The following ZNF34 variants were observed in gnomAD, a reference collection of about 807,000 sequenced individuals.
The protein encoded by ZNF34 is zinc finger protein 34.
ZNF34 carries 8 observed loss-of-function variants against 14.4 expected under a neutral mutation model. That is an observed-to-expected ratio of 0.55 (90% CI 0.33 to 1.00). The LOEUF (loss-of-function observed/expected upper bound fraction) is 1.00, where lower values mean the gene tolerates loss of function less well. ZNF34 is among the 50% of genes least tolerant of loss of function. The pLI is 0.03. For missense variants in ZNF34, 538 were observed against 674.2 expected, an observed-to-expected ratio of 0.80 and a Z score of 2.24; for synonymous variants, 235 against 247.9, an observed-to-expected ratio of 0.95 and a Z score of 0.49.
At position 144,777,509 on chromosome 8, in the gene ZNF34, G is replaced by A; in HGVS notation, c.229C>T (p.Leu77=). 1 of 1,554,084 alleles carries A rather than the reference G, an allele frequency of 6.4e-7. No homozygotes were observed. The highest frequency in any genetic ancestry group is 1.2e-5 in the South Asian group (1 of 84,174). The change falls in exon 5 of 6, where the codon CTG becomes TTG. Residue 77 remains leucine (L), a synonymous_variant. Coordinates refer to ENST00000429371, the MANE Select transcript of ZNF34 (RefSeq NM_001286769.2). The surrounding 1 kb of genome is among the most constrained non-coding windows in gnomAD (Gnocchi z 4.8). ...QLERGDEPWV[L]DVQGTSGKEH... is the part of the protein sequence containing the mutation. ...TTCCCAGAGGTGCCCTGAACATCCAGGACCCAGGGCTCATCCCCTCGCTCC... is the reference window on the plus strand; with the variant it reads ...TTCCCAGAGGTGCCCTGAACATCCAAGACCCAGGGCTCATCCCCTCGCTCC...
intron 1 of ZNF34, chr8:144,785,230 G>C (rs1323719108): frequency 6.6e-5 from 10 of 151,562 alleles, no homozygotes; most frequent in Non-Finnish European, 7.4e-5. Flanking sequence ...TAAATATACA[G>C]AATATATTTA....
In ZNF34 at chr8:144,773,311, CAT is replaced by C. The variant is rs1825275950; in HGVS notation, c.1573_1574del (p.Met525ValfsTer27). 1 of 1,613,332 alleles carries C rather than the reference CAT, an allele frequency of 6.2e-7. No individual in the cohort carries two copies. The highest frequency in any genetic ancestry group is 1.1e-5 in the South Asian group (1 of 91,052). On this transcript the variant is annotated frameshift_variant, in exon 6 of 6. Coordinates refer to ENST00000429371, the MANE Select transcript of ZNF34 (RefSeq NM_001286769.2). LOFTEE classifies it low-confidence loss of function (END_TRUNC). This position sits in a 1 kb window ranked among gnomAD's most constrained non-coding sequence, Gnocchi z 5.4. The stretch of plus-strand genomic sequence containing the variant: ...GGAGGTGAATCCGCTGATGCTGACA[CAT>C]GTTGGAACTGTGCCGGAAGGCCTTC... ...CGKAFRHSSN[M>X]CQHQRIHLRE... is the part of the protein sequence containing the mutation.
rs530216459 is a variant in ZNF34, at chr8:144,779,355, C to T, written c.-54-830G>A. Reference sequence around the variant, plus strand: ...GCTTGATGCACCGCTACCTTTCTATCCCCATGTCCTCATGTCCTCACCTGT... The same window carrying T: ...GCTTGATGCACCGCTACCTTTCTATTCCCATGTCCTCATGTCCTCACCTGT... On this transcript the variant is annotated intron_variant, in intron 2 of 5. Coordinates refer to ENST00000429371, the MANE Select transcript of ZNF34 (RefSeq NM_001286769.2). This position sits in a 1 kb window ranked among gnomAD's most constrained non-coding sequence, Gnocchi z 4.1. 1.1e-4 allele frequency among the ~76,000 whole-genome samples: 17 copies of T among 152,298 alleles called. No homozygotes were observed. In the East Asian group the frequency reaches 2.9e-3, roughly 26 times the overall value.
In ZNF34 at chr8:144,774,278, GTATT is replaced by G. The variant is rs1442794327; in HGVS notation, c.604_607del (p.Asn202GlnfsTer13). 2.5e-6 allele frequency: 4 copies of G among 1,613,602 alleles called. No homozygotes were observed. Among genetic ancestry groups the G allele is most frequent in the Non-Finnish European group, 3.4e-6 (4 of 1,179,736 alleles). ...GAAGATTTCCCCAGAGTTACGAACTGTATTTGTTTTTTTTGACCTGTGTACACGC... is the reference window on the plus strand; with the variant it reads ...GAAGATTTCCCCAGAGTTACGAACTGTGTTTTTTTTGACCTGTGTACACGC... On this transcript the variant is annotated frameshift_variant, in exon 6 of 6. Transcript: ENST00000429371. LOFTEE classifies it low-confidence loss of function (END_TRUNC).
intron 1 of ZNF34, among the ~76,000 whole-genome samples, chr8:144,782,490 CAAAAACA>C (rs781098512): frequency 3.1e-4 from 47 of 150,584 alleles, no homozygotes; most frequent in Admixed American, 5.3e-4. Flanking sequence ...AGACTCTGTC[CAAAAACA>C]AAAAACAAAA....
chr8:144,786,130 G>A (rs1440288896), intron 1 of ZNF34, among the ~76,000 whole-genome samples: 1 of 151,446 alleles, frequency 6.6e-6, no homozygotes, highest in Non-Finnish European at 1.5e-5. Flanking sequence ...GACTACAGGC[G>A]CCCGCTACCA....
At position 144,777,270 on chromosome 8, in the gene ZNF34, A is replaced by G. The variant is rs1391311872; in HGVS notation, c.280+188T>C. Among the ~76,000 whole-genome samples the G allele has an allele frequency of 1.3e-5, 2 of 152,082 alleles. No homozygotes were observed. The highest frequency in any genetic ancestry group is 2.9e-5 in the Non-Finnish European group (2 of 68,010). On this transcript the variant is annotated intron_variant, in intron 5 of 5. Transcript: ENST00000429371. This position sits in a 1 kb window ranked among gnomAD's most constrained non-coding sequence, Gnocchi z 4.8. ...TGCTGCCCTGGAGAGATTCTGCTCA[A>G]TAATCTCCCCACCAAGGTGCCCAGA...
In ZNF34 at chr8:144,773,140, T is replaced by G; in HGVS notation, c.*126A>C. 2 of 1,052,060 alleles carry G rather than the reference T, an allele frequency of 1.9e-6. No individual in the cohort carries two copies. The highest frequency in any genetic ancestry group is 4.2e-5 in the South Asian group (2 of 47,570). 65.2% of individuals were successfully genotyped at this position (1,052,060 alleles called of 1,614,324 possible). On this transcript the variant is annotated 3_prime_UTR_variant, in exon 6 of 6. Coordinates refer to ENST00000429371, the MANE Select transcript of ZNF34 (RefSeq NM_001286769.2). The surrounding 1 kb of genome is among the most constrained non-coding windows in gnomAD (Gnocchi z 5.4). Reference sequence around the variant, plus strand: ...TTTGATTTAAGAAAAGAGGTTTGTTTAATGAGAAACGTCCTTTCACTCTGT... The same window carrying G: ...TTTGATTTAAGAAAAGAGGTTTGTTGAATGAGAAACGTCCTTTCACTCTGT...
chr8:144,786,992 G>A (rs551536686), intron 1 of ZNF34, among the ~76,000 whole-genome samples: 1 of 152,288 alleles, frequency 6.6e-6, no homozygotes, highest in East Asian at 1.9e-4. Flanking sequence ...CGCTCTGTGC[G>A]GCAGGAGTCC....
intron 1 of ZNF34, among the ~76,000 whole-genome samples, chr8:144,781,134 C>CAAATAAATAAATAAATAAATAAAT (rs143853733): frequency 2.9e-5 from 4 of 140,312 alleles, no homozygotes; most frequent in African/African-American, 2.6e-5. Context: ...GACTCCATCT[C>CAAATAAATAAATAAATAAATAAAT]AAATAAATAA....
chr8:144,782,020 T>C (rs1465766488), intron 1 of ZNF34, among the ~76,000 whole-genome samples: 4 of 149,852 alleles, frequency 2.7e-5, no homozygotes, highest in Non-Finnish European at 5.9e-5. Flanking sequence ...ACCCCATCTC[T>C]CCTAAAAAAT....
chr8:144,786,043 G>A (rs528365186), intron 1 of ZNF34, among the ~76,000 whole-genome samples: 1 of 143,144 alleles, frequency 7.0e-6, no homozygotes, highest in South Asian at 2.2e-4. Flanking sequence ...GGAGAGCAGT[G>A]GCGGGATCTT....
In ZNF34 at chr8:144,773,999, G is replaced by A. The variant is rs980005799; in HGVS notation, c.887C>T (p.Thr296Ile). The A allele has an allele frequency of 6.2e-6, 10 of 1,613,936 alleles. No individual in the cohort carries two copies. Among genetic ancestry groups the A allele is most frequent in the East Asian group, 2.2e-5 (1 of 44,834 alleles). ...YRCDECGKTF[T>I]RRPNLMKHQR... ...GTGCTTCATGAGGTTGGGCCTCCGG[G>A]TGAATGTCTTCCCACACTCGTCACA... The change falls in exon 6 of 6, where the codon ACC (threonine) becomes ATC (isoleucine). Residue 296 changes from threonine to isoleucine, a missense_variant. Coordinates refer to ENST00000429371, the MANE Select transcript of ZNF34 (RefSeq NM_001286769.2). The surrounding 1 kb of genome is among the most constrained non-coding windows in gnomAD (Gnocchi z 5.4).
In ZNF34 at chr8:144,778,277, C is replaced by T. The variant is rs564929058; in HGVS notation, c.34-113G>A. ...CAGCACAGTGGGTGGCCTGACCCAT[C>T]TGCCACCGAGCCAGCTAATACATCC... is the stretch of plus-strand genomic sequence containing the variant. On this transcript the variant is annotated intron_variant, in intron 3 of 5. Transcript: ENST00000429371. 4 of 1,471,170 alleles carry T rather than the reference C, an allele frequency of 2.7e-6. No individual in the cohort carries two copies. The East Asian group carries it at 9.3e-5, about 34-fold the overall frequency. The allele number at this position is 1,471,170 out of a possible 1,614,324, so 91.1% of individuals were successfully genotyped here.
chr8:144,774,801 A>G (rs1375228484), intron 5 of ZNF34, among the ~76,000 whole-genome samples, 196 bp from the exon 6 acceptor site: 4 of 151,258 alleles, frequency 2.6e-5, no homozygotes, highest in Non-Finnish European at 5.9e-5. Context: ...TCAAACATTC[A>G]CTCCTTCCTT....
chr8:144,773,073 C>T lies in ZNF34; in HGVS notation c.*193G>A. The T allele has an allele frequency of 1.7e-6, 1 of 598,326 alleles. No homozygotes were observed. Among genetic ancestry groups the T allele is most frequent in the Non-Finnish European group, 2.6e-6 (1 of 379,338 alleles). 37.1% of individuals were successfully genotyped at this position (598,326 alleles called of 1,614,324 possible). On this transcript the variant is annotated 3_prime_UTR_variant, in exon 6 of 6. Transcript: ENST00000429371. This position sits in a 1 kb window ranked among gnomAD's most constrained non-coding sequence, Gnocchi z 5.4. The stretch of plus-strand genomic sequence containing the variant: ...AGATCACAGAAGCTTCTTTTTTGCC[C>T]ACTTTTCTGTCTCAATTTCTCTAAA...
rs191294712 is a variant in ZNF34, at chr8:144,778,523, G to A, written c.-52C>T. On this transcript the variant is annotated splice_region_variant and 5_prime_UTR_variant, in exon 3 of 6. Transcript: ENST00000429371. Reference sequence around the variant, plus strand: ...CAGTGAGCAGGAGCTGGTCACTGAGGAGCTGAGGGAAGAGAACGCAACAAG... The same window carrying A: ...CAGTGAGCAGGAGCTGGTCACTGAGAAGCTGAGGGAAGAGAACGCAACAAG... The A allele has an allele frequency of 1.3e-3, 2,104 of 1,569,954 alleles. 62 individuals carry two copies. In the Admixed American group the frequency reaches 0.038, roughly 28 times the overall value.
rs752466988 is a variant in ZNF34, at chr8:144,778,088, C to G, written c.110G>C (p.Gly37Ala). Residue 37 changes from glycine to alanine, a missense_variant, in exon 4 of 6, where the codon GGC becomes GCC. This residue lies in a region of ZNF34 where 431 missense variants were observed against 525.7 expected (regional missense o/e 0.82). Transcript: ENST00000429371. ...CTCCAGCATCACGTCCCTGTAGAGG[C>G]CCCTCTGAGCAGGGCCCAGGCGGCC... The part of the protein sequence containing the change: ...EWGRLGPAQR[G>A]LYRDVMLETY... 16 of 1,613,928 alleles carry G rather than the reference C, an allele frequency of 9.9e-6. No individual in the cohort carries two copies. The East Asian group carries it at 2.9e-4, about 29-fold the overall frequency.
At chr8:144,784,500 C>T (rs1049603431) in intron 1 of ZNF34, among the ~76,000 whole-genome samples, 1 of 149,142 alleles carries the variant, frequency 6.7e-6, no homozygotes, top group African/African-American at 2.5e-5. Context: ...TGACTCACGC[C>T]TGTAATCCCA....
Sources: gnomAD v4.1 joint callset for allele counts (sites outside exome capture counted in the v4.1 genomes callset) on GRCh38, gnomAD v4.1.1 for gene constraint, gnomAD v4.1.1 regional missense constraint, Gnocchi (gnomAD v3.1) non-coding constraint, MANE v1.5 for transcripts, NCBI Gene and HGNC (gene_info 2026-07-23, HGNC 2026-07-21) for gene names.